The following CDH22 variants were observed in gnomAD, a reference collection of about 807,000 sequenced individuals.
CDH22 encodes cadherin 22.
A neutral mutation model predicts 58.4 loss-of-function variants in CDH22; 30 were observed. The ratio of observed to expected loss-of-function variants is 0.51; its 90% CI spans 0.38 to 0.70. The LOEUF is 0.70. Among genes scored for constraint, CDH22 ranks in the 30% least tolerant of loss-of-function variants. The probability of loss-of-function intolerance (pLI) is 0.00; values close to 1 mark genes in which losing one functional copy is unlikely to be tolerated. For synonymous variants in CDH22, 513 were observed against 558.2 expected (o/e 0.92, Z 1.14); for missense variants, 1,014 against 1,233.9 (o/e 0.82, Z 2.67).
At chr20:46,288,702 C>T (rs1195293290) in intron 1 of CDH22, among the ~76,000 whole-genome samples, 1 of 152,230 alleles carries the variant, frequency 6.6e-6, no homozygotes, top group African/African-American at 2.4e-5. Context: ...CCAGCTGCTT[C>T]CGCCAAAAGC....
At chr20:46,263,134 A>C (rs2086441726) in intron 1 of CDH22, among the ~76,000 whole-genome samples, 1 of 152,188 alleles carries the variant, frequency 6.6e-6, no homozygotes, top group South Asian at 2.1e-4. Context: ...TCTGTCCTTC[A>C]GCTCACACTT....
At chr20:46,254,792 G>A (rs947644259) in intron 1 of CDH22, among the ~76,000 whole-genome samples, 29 of 152,258 alleles carry the variant, frequency 1.9e-4, no homozygotes, top group African/African-American at 6.5e-4. Context: ...GCATTGGGCT[G>A]AGTCTGGAAG....
At chr20:46,225,263 T>G (rs1300253640) in intron 4 of CDH22, among the ~76,000 whole-genome samples, 1 of 152,206 alleles carries the variant, frequency 6.6e-6, no homozygotes. Context: ...GATGTATGTG[T>G]GAGGTTATTC....
intron 1 of CDH22, among the ~76,000 whole-genome samples, chr20:46,291,296 A>G (rs2086601114): frequency 6.6e-6 from 1 of 152,128 alleles, no homozygotes; most frequent in Admixed American, 6.5e-5. Flanking sequence ...TAAATAAATA[A>G]ATAAAACAAA....
chr20:46,200,825 G>C (rs1242393424), intron 7 of CDH22, among the ~76,000 whole-genome samples: 1 of 152,200 alleles, frequency 6.6e-6, no homozygotes, highest in South Asian at 2.1e-4. Context: ...TTTGAGCAGG[G>C]GAGAGGGGGG....
intron 1 of CDH22, among the ~76,000 whole-genome samples, chr20:46,276,074 G>C (rs889515903): frequency 1.3e-5 from 2 of 152,162 alleles, no homozygotes; most frequent in African/African-American, 4.8e-5. Flanking sequence ...ACTGTGATGG[G>C]GGCAGAGGAG....
At chr20:46,272,075 A>G (rs538369210) in intron 1 of CDH22, among the ~76,000 whole-genome samples, 3 of 152,322 alleles carry the variant, frequency 2.0e-5, no homozygotes, top group Non-Finnish European at 4.4e-5. Context: ...CATGCTTGGC[A>G]TCTCTCATCC....
rs2145639375 is a variant in CDH22, at chr20:46,174,668, G to C, written c.2325C>G (p.Phe775Leu). The change falls in exon 12 of 12, where the codon TTC becomes TTG. Residue 775 changes from phenylalanine to leucine, a missense_variant. By Grantham distance (22) the Phe-to-Leu change is conservative. This residue lies in a region of CDH22 where 208 missense variants were observed against 195.2 expected (regional missense o/e 1.07). Coordinates refer to ENST00000537909, the MANE Select transcript of CDH22 (RefSeq NM_021248.3). This position sits in a 1 kb window ranked among gnomAD's most constrained non-coding sequence, Gnocchi z 4.4. ...AGGCGGCCGGCGAGTCCGCGCCCTC[G>C]AAGGCGTAGGTCTGGAAGGCGTCGT... Reference protein sequence around the residue: ...PPYDAFQTYAFEGADSPAASL... With the variant: ...PPYDAFQTYALEGADSPAASL... 1.3e-6 allele frequency: 2 copies of C among 1,559,216 alleles called. No individual in the cohort carries two copies. Among genetic ancestry groups the C allele is most frequent in the South Asian group, 1.2e-5 (1 of 85,350 alleles).
intron 5 of CDH22, among the ~76,000 whole-genome samples, chr20:46,215,734 C>T (rs918170957): frequency 1.3e-5 from 2 of 152,354 alleles, no homozygotes; most frequent in Non-Finnish European, 2.9e-5. Context: ...GGGGCCCTGG[C>T]CTCCTCTCTG....
Position 46,241,592 on chromosome 20 carries a change from C to T in CDH22, c.256-335G>A, listed in dbSNP as rs961306878. On this transcript the variant is annotated intron_variant, in intron 2 of 11. Transcript: ENST00000537909. The surrounding 1 kb of genome is among the most constrained non-coding windows in gnomAD (Gnocchi z 5.2). ...TCACAAAGAAGTCCAGCACCACCTCCACACCTCTCTCCCCTTTAGCACGCA... is the reference window on the plus strand; with the variant it reads ...TCACAAAGAAGTCCAGCACCACCTCTACACCTCTCTCCCCTTTAGCACGCA... Among the ~76,000 whole-genome samples the T allele has an allele frequency of 8.5e-5, 13 of 152,208 alleles. No individual in the cohort carries two copies. The highest frequency in any genetic ancestry group is 1.9e-4 in the Non-Finnish European group (13 of 68,040).
At chr20:46,200,886 A>G (rs546538286) in intron 7 of CDH22, among the ~76,000 whole-genome samples, 1 of 152,264 alleles carries the variant, frequency 6.6e-6, no homozygotes, top group South Asian at 2.1e-4. Flanking sequence ...GGACACGCCC[A>G]GGGACACGCG....
intron 10 of CDH22, among the ~76,000 whole-genome samples, chr20:46,182,453 G>T (rs2085795856): frequency 6.6e-6 from 1 of 152,222 alleles, no homozygotes; most frequent in Non-Finnish European, 1.5e-5. Context: ...GAAATGAGCG[G>T]CTGGCTCCGG....
chr20:46,218,837 G>C (rs1420286667), intron 4 of CDH22, among the ~76,000 whole-genome samples: 1 of 152,094 alleles, frequency 6.6e-6, no homozygotes, highest in African/African-American at 2.4e-5. Flanking sequence ...GGGTAGGGCG[G>C]GGGAGTCGAT....
At chr20:46,242,332 G>A (rs540445118) in intron 2 of CDH22, among the ~76,000 whole-genome samples, 2 of 152,338 alleles carry the variant, frequency 1.3e-5, no homozygotes, top group East Asian at 3.9e-4. Context: ...CCTCCGGAGA[G>A]GAGCCCAGGG....
At chr20:46,186,535 G>T in intron 10 of CDH22, 53 bp downstream of exon 10, 1 of 1,264,314 alleles carries the variant, frequency 7.9e-7, no homozygotes, top group South Asian at 1.2e-5. Flanking sequence ...TATGGGAACA[G>T]GGCAGGGAGA....
intron 1 of CDH22, among the ~76,000 whole-genome samples, chr20:46,293,725 A>C (rs1375084747): frequency 6.6e-6 from 1 of 152,160 alleles, no homozygotes; most frequent in African/African-American, 2.4e-5. Context: ...AGAAGCTATA[A>C]AAACACAGAG....
At position 46,173,775 on chromosome 20, in the gene CDH22, T is replaced by C. The variant is rs541113380; in HGVS notation, c.*731A>G. The C allele has an allele frequency of 1.3e-5, 2 of 152,444 alleles. No homozygotes were observed. The highest frequency in any genetic ancestry group is 1.3e-4 in the Admixed American group (2 of 15,310). 9.4% of individuals were successfully genotyped at this position (152,444 alleles called of 1,614,324 possible). ...GCTAGCATTTATTGAACACCTACTA[T>C]GTGCCAGGCACTGTCCTAACCACTT... On this transcript the variant is annotated 3_prime_UTR_variant, in exon 12 of 12. Transcript: ENST00000537909.
intron 2 of CDH22, among the ~76,000 whole-genome samples, chr20:46,243,246 G>A (rs915230371): frequency 2.6e-5 from 4 of 152,232 alleles, no homozygotes. Context: ...AATTCTGCTG[G>A]TAGAACTTTG....
chr20:46,179,724 G>A (rs1386477499), intron 10 of CDH22, among the ~76,000 whole-genome samples: 1 of 152,136 alleles, frequency 6.6e-6, no homozygotes, highest in Non-Finnish European at 1.5e-5. Context: ...ACTCAGAAAG[G>A]GTATCATGCA....
Sources: allele counts gnomAD v4.1 joint callset (sites outside exome capture counted in the v4.1 genomes callset), GRCh38; gene constraint gnomAD v4.1.1; regional missense constraint gnomAD v4.1.1; non-coding constraint Gnocchi (gnomAD v3.1); transcripts MANE v1.5; gene names NCBI Gene and HGNC (gene_info 2026-07-23, HGNC 2026-07-21).